The following KDM2B variants were observed in gnomAD, a reference collection of about 807,000 sequenced individuals.
KDM2B encodes the protein lysine demethylase 2B, also known as lysine-specific demethylase 2B.
In KDM2B, 26 loss-of-function variants were observed where a neutral mutation model predicts 150.0. That is an observed-to-expected ratio of 0.17 (90% CI 0.13 to 0.24). The LOEUF is 0.24. KDM2B is among the 10% of genes least tolerant of loss of function. KDM2B has a pLI of 1.00. For missense variants in KDM2B, 1,265 were observed against 1,816.9 expected (o/e 0.70, Z 5.52); for synonymous variants, 734 against 729.5 (o/e 1.01, Z -0.10).
chr12:121,576,869 T>G (rs566484582), intron 2 of KDM2B, among the ~76,000 whole-genome samples: 1 of 152,172 alleles, frequency 6.6e-6, no homozygotes, highest in African/African-American at 2.4e-5. Context: ...GGGAAACAGT[T>G]CACAGGGCAG....
chr12:121,575,751 G>C lies in KDM2B; in HGVS notation c.350+30C>G. The C allele has an allele frequency of 2.0e-6, 3 of 1,468,482 alleles. No homozygotes were observed. Among genetic ancestry groups the C allele is most frequent in the Non-Finnish European group, 2.9e-6 (3 of 1,047,120 alleles). The allele number at this position is 1,468,482 out of a possible 1,614,324, so 91.0% of individuals were successfully genotyped here. A position where few individuals can be genotyped will look rare whatever the true frequency, so the allele number is the denominator to read the frequency against. On this transcript the variant is annotated intron_variant, in intron 3 of 22. Coordinates refer to ENST00000377071, the MANE Select transcript of KDM2B (RefSeq NM_032590.5). The surrounding 1 kb of genome is among the most constrained non-coding windows in gnomAD (Gnocchi z 4.4). ...TAAAGTATGTTAGGGAGGAAGACGGGGGAAGGAGTGATTAGTTTCAGCAAC... is the reference window on the plus strand; with the variant it reads ...TAAAGTATGTTAGGGAGGAAGACGGCGGAAGGAGTGATTAGTTTCAGCAAC...
intron 10 of KDM2B, among the ~76,000 whole-genome samples, chr12:121,510,927 G>C (rs1885529723): frequency 6.6e-6 from 1 of 151,992 alleles, no homozygotes; most frequent in Non-Finnish European, 1.5e-5. Flanking sequence ...AAGTAGATGA[G>C]TAGTTGCCTA....
At chr12:121,425,862 G>A (rs980949305), downstream of KDM2B, among the ~76,000 whole-genome samples, 2 of 151,898 alleles carry the variant, frequency 1.3e-5, no homozygotes, top group Non-Finnish European at 2.9e-5. Context: ...CACCTCCTGG[G>A]TTCATGCCAT....
intron 12 of KDM2B, among the ~76,000 whole-genome samples, chr12:121,465,581 G>A (rs995900995): frequency 6.6e-6 from 1 of 152,124 alleles, no homozygotes; most frequent in Admixed American, 6.6e-5. Context: ...GGCAGGACCC[G>A]AAAACATGTT....
chr12:121,429,827 AATGTAAG>A lies in KDM2B; in HGVS notation c.*454_*460del, dbSNP rs1246359822. On this transcript the variant is annotated 3_prime_UTR_variant, in exon 23 of 23. Transcript: ENST00000377071. ...AATTTGTACAAAAATAGTTCTGCAT[AATGTAAG>A]ATGTAACAAAACCAACCAAACAAAA... 2.2e-5 allele frequency: 12 copies of A among 557,584 alleles called. No homozygotes were observed. The East Asian group carries it at 2.8e-4, about 13-fold the overall frequency. The allele number at this position is 557,584 out of a possible 1,614,324, so 34.5% of individuals were successfully genotyped here. A position where few individuals can be genotyped will look rare whatever the true frequency, so the allele number is the denominator to read the frequency against.
At chr12:121,531,616 A>ACTCCT (rs1887666204) in intron 8 of KDM2B, among the ~76,000 whole-genome samples, 1 of 152,004 alleles carries the variant, frequency 6.6e-6, no homozygotes, top group Non-Finnish European at 1.5e-5. Context: ...ACTCGGCTAT[A>ACTCCT]CTCCTTTCAG....
At position 121,440,041 on chromosome 12, in the gene KDM2B, G is replaced by A. The variant is rs781864315; in HGVS notation, c.3645C>T (p.Ile1215=). Residue 1215 remains isoleucine, a synonymous_variant, in exon 22 of 23, where the codon ATC becomes ATT. Transcript: ENST00000377071. ...QMDNRSKLRN[I]VELRLAGLDI... ...CCAGGCCTGCCAGGCGCAGCTCCACGATGTTCCGGAGCTTGCTCCGATTGT... is the reference window on the plus strand; with the variant it reads ...CCAGGCCTGCCAGGCGCAGCTCCACAATGTTCCGGAGCTTGCTCCGATTGT... The A allele has an allele frequency of 3.1e-5, 50 of 1,611,856 alleles. No homozygotes were observed. The South Asian group carries it at 3.9e-4, about 12-fold the overall frequency.
the KDM2B span, among the ~76,000 whole-genome samples, chr12:121,413,944 C>G: frequency 6.7e-4 from 102 of 152,246 alleles, no homozygotes; most frequent in African/African-American, 2.4e-3. Context: ...ATATTGAAAT[C>G]CTTGGCTTTG....
chr12:121,550,266 C>T (rs1169910655), intron 4 of KDM2B, among the ~76,000 whole-genome samples: 2 of 150,818 alleles, frequency 1.3e-5, no homozygotes, highest in South Asian at 2.1e-4. Flanking sequence ...GCTGAGATGG[C>T]GCCACCTCAC....
At chr12:121,508,205 G>A (rs782381504) in intron 11 of KDM2B, among the ~76,000 whole-genome samples, 3 of 152,006 alleles carry the variant, frequency 2.0e-5, no homozygotes, top group Non-Finnish European at 2.9e-5. Flanking sequence ...TCTCTCCTCA[G>A]CCTCCAGAGT....
intron 11 of KDM2B, among the ~76,000 whole-genome samples, chr12:121,502,110 C>T (rs1555302095): frequency 6.6e-6 from 1 of 152,164 alleles, no homozygotes; most frequent in Non-Finnish European, 1.5e-5. Context: ...CAGGCTCGCA[C>T]ATTTGACCCT....
intron 22 of KDM2B, among the ~76,000 whole-genome samples, chr12:121,435,435 T>C (rs1873828776): frequency 6.6e-6 from 1 of 151,966 alleles, no homozygotes; most frequent in Non-Finnish European, 1.5e-5. Flanking sequence ...ACCTCCAAGG[T>C]GTTTAGTTGT....
Position 121,521,182 on chromosome 12 carries a change from C to A in KDM2B, c.932-82G>T. The A allele has an allele frequency of 1.0e-6, 1 of 964,006 alleles. No individual in the cohort carries two copies. Among genetic ancestry groups the A allele is most frequent in the Non-Finnish European group, 1.6e-6 (1 of 608,986 alleles). 59.7% of individuals were successfully genotyped at this position (964,006 alleles called of 1,614,324 possible). A position where few individuals can be genotyped will look rare whatever the true frequency, so the allele number is the denominator to read the frequency against. ...CTCACAAGGCTGCAGGGAGGGAGAG[C>A]GAGCGTGCAGGAGGGTGCAGGGAGT... On this transcript the variant is annotated intron_variant, in intron 8 of 22. Coordinates refer to ENST00000377071, the MANE Select transcript of KDM2B (RefSeq NM_032590.5). This position sits in a 1 kb window ranked among gnomAD's most constrained non-coding sequence, Gnocchi z 4.9.
intron 17 of KDM2B, 172 bp downstream of exon 17, chr12:121,443,508 C>T (rs1555289153): frequency 3.9e-5 from 24 of 619,252 alleles, no homozygotes. Context: ...GCTCTAGGCA[C>T]AGACAGCTTC....
chr12:121,574,420 T>C (rs1891347149), intron 4 of KDM2B, 127 bp downstream of exon 4: 1 of 821,690 alleles, frequency 1.2e-6, no homozygotes, highest in Non-Finnish European at 2.0e-6. Context: ...TCACACCTGC[T>C]CCTGCCTTCT....
At chr12:121,454,261 T>C (rs1877855310) in intron 12 of KDM2B, among the ~76,000 whole-genome samples, 3 of 152,200 alleles carry the variant, frequency 2.0e-5, no homozygotes. Context: ...CAGCCTGGCA[T>C]GCAGAATGCA....
At chr12:121,557,529 C>T (rs1033441123) in intron 4 of KDM2B, among the ~76,000 whole-genome samples, 1 of 151,992 alleles carries the variant, frequency 6.6e-6, no homozygotes, top group Non-Finnish European at 1.5e-5. Context: ...CGTGAGCCAC[C>T]GTGCCCAGCC....
chr12:121,568,174 A>G (rs1028295150), intron 4 of KDM2B, among the ~76,000 whole-genome samples: 1 of 152,108 alleles, frequency 6.6e-6, no homozygotes, highest in African/African-American at 2.4e-5. Flanking sequence ...AAAATATCCA[A>G]CCACGAAACA....
chr12:121,425,190 C>T (rs1288380730), downstream of KDM2B, among the ~76,000 whole-genome samples: 3 of 151,942 alleles, frequency 2.0e-5, no homozygotes, highest in Non-Finnish European at 4.4e-5. Flanking sequence ...TCCCTGTAAT[C>T]CCAACTACTC....
Sources: gnomAD v4.1 joint callset for allele counts (sites outside exome capture counted in the v4.1 genomes callset) on GRCh38, gnomAD v4.1.1 for gene constraint, Gnocchi (gnomAD v3.1) non-coding constraint, MANE v1.5 for transcripts, NCBI Gene and HGNC (gene_info 2026-07-23, HGNC 2026-07-21) for gene names.